Variants in ZDHHC8 observed in about 807,000 individuals in gnomAD.
The protein encoded by ZDHHC8 is zDHHC palmitoyltransferase 8.
In ZDHHC8, 24 loss-of-function variants were observed where a neutral mutation model predicts 61.2. That is an observed-to-expected ratio of 0.39 (90% CI 0.28 to 0.55). The LOEUF is 0.55. ZDHHC8 is among the 20% of genes least tolerant of loss of function. The pLI is 0.60. For missense variants in ZDHHC8, 935 were observed against 1,102.1 expected (o/e 0.85, Z 2.15); for synonymous variants, 523 against 492.5 (o/e 1.06, Z -0.82).
Position 20,140,982 on chromosome 22 carries a change from C to T in ZDHHC8, c.864C>T (p.Asn288=), listed in dbSNP as rs372080142. 8.9e-5 allele frequency: 143 copies of T among 1,611,086 alleles called. No homozygotes were observed. The highest frequency in any genetic ancestry group is 1.1e-4 in the Non-Finnish European group (135 of 1,179,988). The part of the protein sequence containing the change: ...AAPLKVKLSD[N]GLKAGLGRSK... ...CGCTCAAGGTCAAGCTTAGTGACAA[C>T]GGGCTGAAGGCTGGCCTGGGCCGTA... Residue 288 remains asparagine (N), a synonymous_variant, in exon 7 of 11, where the codon AAC becomes AAT. Coordinates refer to ENST00000334554, the MANE Select transcript of ZDHHC8 (RefSeq NM_013373.4).
At chr22:20,145,148 GTCTTGCTGCC>G in intron 10 of ZDHHC8, 71 bp from the exon 11 acceptor site, 2 of 1,288,550 alleles carry the variant, frequency 1.6e-6, no homozygotes, top group Non-Finnish European at 2.1e-6. Flanking sequence ...CGTCGTCTCT[GTCTTGCTGCC>G]TCCTCCGTCC....
rs901718049 is a variant in ZDHHC8, at chr22:20,143,116, C to T, written c.1486C>T (p.His496Tyr). The T allele has an allele frequency of 6.2e-7, 1 of 1,612,318 alleles. No homozygotes were observed. The highest frequency in any genetic ancestry group is 1.1e-5 in the South Asian group (1 of 91,086). Reference protein sequence around the residue: ...GSPGGHACPAHPAVGVAGYHS... With the variant: ...GSPGGHACPAYPAVGVAGYHS... ...GCCTGGTGGCCACGCCTGCCCTGCC[C>T]ACCCAGCAGTTGGCGTGGCCGGATA... The change falls in exon 10 of 11, where the codon CAC (histidine) becomes TAC (tyrosine). Residue 496 changes from histidine (H) to tyrosine (Y), a missense_variant. This residue lies in a region of ZDHHC8 where 692 missense variants were observed against 731.4 expected (regional missense o/e 0.95). Transcript: ENST00000334554.
chr22:20,139,605 C>A lies in ZDHHC8; in HGVS notation c.354C>A (p.Ser118=), dbSNP rs1376757195. Residue 118 remains serine (S), a synonymous_variant, in exon 3 of 11, where the codon TCC becomes TCA. Transcript: ENST00000334554. The stretch of plus-strand genomic sequence containing the variant: ...ACTTCTACCGCCCGCCGCGCTGCTC[C>A]CACTGCAGCGTCTGTGACAACTGTG... ...TCHFYRPPRC[S]HCSVCDNCVE... The A allele has an allele frequency of 2.5e-6, 4 of 1,613,062 alleles. No individual in the cohort carries two copies. Among genetic ancestry groups the A allele is most frequent in the Non-Finnish European group, 3.4e-6 (4 of 1,180,024 alleles).
rs760694262 is a variant in ZDHHC8 at position 20,143,522 on chromosome 22, T to C, written c.1892T>C (p.Leu631Pro). 6.3e-7 allele frequency: 1 copy of C among 1,599,890 alleles called. No homozygotes were observed. The highest frequency in any genetic ancestry group is 1.7e-5 in the Admixed American group (1 of 59,740). The change falls in exon 10 of 11, where the codon CTG (leucine) becomes CCG (proline). Residue 631 changes from leucine (L) to proline (P), a missense_variant. Coordinates refer to ENST00000334554, the MANE Select transcript of ZDHHC8 (RefSeq NM_013373.4). ...NPALQTSLSS[L>P]SSSVSRAPRT... Reference sequence around the variant, plus strand: ...GCCCTGCAGACGTCACTGTCCTCGCTGTCCAGCTCCGTGAGCCGTGCACCG... The same window carrying C: ...GCCCTGCAGACGTCACTGTCCTCGCCGTCCAGCTCCGTGAGCCGTGCACCG...
In ZDHHC8 at chr22:20,143,312, G is replaced by A. The variant is rs756941738; in HGVS notation, c.1682G>A (p.Arg561His). 5.9e-5 allele frequency: 95 copies of A among 1,597,856 alleles called. 1 individual carries two copies. The Middle Eastern group carries it at 1.9e-3, about 31-fold the overall frequency. The part of the protein sequence containing the change: ...SIQERKDREE[R>H]ERLLRSQADS... ...CAGGAGCGCAAGGACAGGGAGGAGC[G>A]TGAGCGCCTGCTGCGCTCCCAGGCC... Residue 561 changes from arginine (R) to histidine (H), a missense_variant, in exon 10 of 11, where the codon CGT becomes CAT. Arg to His is a conservative substitution (Grantham distance 29, BLOSUM62 0). Around this residue, in one of 3 missense-constraint regions of ZDHHC8, gnomAD observed 692 missense variants for 731.4 expected, o/e 0.95. Coordinates refer to ENST00000334554, the MANE Select transcript of ZDHHC8 (RefSeq NM_013373.4).
rs1044663964 is a variant in ZDHHC8 at position 20,146,053 on chromosome 22, G to C, written c.*653G>C. The stretch of plus-strand genomic sequence containing the variant: ...CCGTGTCTGTGTGCTGTGCTGCCGC[G>C]CCGTGTCTGATGTGTCAGTGCTCCG... On this transcript the variant is annotated 3_prime_UTR_variant, in exon 11 of 11. Coordinates refer to ENST00000334554, the MANE Select transcript of ZDHHC8 (RefSeq NM_013373.4). 4 of 985,764 alleles carry C rather than the reference G, an allele frequency of 4.1e-6. No homozygotes were observed. In the African/African-American group the frequency reaches 5.2e-5, roughly 13 times the overall value. The allele number at this position is 985,764 out of a possible 1,614,324, so 61.1% of individuals were successfully genotyped here. A position where few individuals can be genotyped will look rare whatever the true frequency, so the allele number is the denominator to read the frequency against.
intron 5 of ZDHHC8, 45 bp downstream of exon 5, chr22:20,140,262 G>C (rs2050456603): frequency 1.9e-6 from 3 of 1,572,850 alleles, no homozygotes; most frequent in Non-Finnish European, 2.6e-6. Context: ...GGCCGAGAGA[G>C]TTGGGGCTGC....
At chr22:20,135,660 G>C (rs887018445) in intron 1 of ZDHHC8, among the ~76,000 whole-genome samples, 5 of 152,232 alleles carry the variant, frequency 3.3e-5, no homozygotes, top group African/African-American at 1.2e-4. Context: ...GGGGAACCTG[G>C]GAGTGAAAAC....
Position 20,146,600 on chromosome 22 carries a change from T to G in ZDHHC8, c.*1200T>G. On this transcript the variant is annotated 3_prime_UTR_variant, in exon 11 of 11. Coordinates refer to ENST00000334554, the MANE Select transcript of ZDHHC8 (RefSeq NM_013373.4). ...GTTCCTCAGGGGCATTTCTGCCGAC[T>G]TGGGCTGAGTCAGAGGCTTGGGAAG... is the stretch of plus-strand genomic sequence containing the variant. The G allele has an allele frequency of 1.0e-6, 1 of 998,010 alleles. No individual in the cohort carries two copies. Among genetic ancestry groups the G allele is most frequent in the South Asian group, 4.7e-5 (1 of 21,422 alleles). 61.8% of individuals were successfully genotyped at this position (998,010 alleles called of 1,614,324 possible).
At chr22:20,139,668 C>T (rs2050450690) in intron 3 of ZDHHC8, 33 bp downstream of exon 3, 1 of 1,611,250 alleles carries the variant, frequency 6.2e-7, no homozygotes. Flanking sequence ...CTCCCCCAGC[C>T]CTGTGCCACA....
intron 2 of ZDHHC8, 25 bp downstream of exon 2, chr22:20,139,340 C>T (rs1568992535): frequency 1.9e-6 from 3 of 1,610,702 alleles, no homozygotes; most frequent in East Asian, 2.2e-5. Flanking sequence ...TGCGGCAGCT[C>T]CTCTCACTTT....
Position 20,142,998 on chromosome 22 carries a change from G to C in ZDHHC8, c.1368G>C (p.Gly456=), listed in dbSNP as rs1438480544. The part of the protein sequence containing the change: ...VALQPLRSEG[G]PPTPHRSIFA... ...TGCAGCCCCTGCGCTCTGAGGGGGGGCCCCCCACGCCCCACCGTAGCATTT... is the reference window on the plus strand; with the variant it reads ...TGCAGCCCCTGCGCTCTGAGGGGGGCCCCCCCACGCCCCACCGTAGCATTT... The change falls in exon 10 of 11, where the codon GGG becomes GGC. Residue 456 remains glycine (G), a synonymous_variant. Transcript: ENST00000334554. The C allele has an allele frequency of 3.1e-6, 5 of 1,605,478 alleles. No homozygotes were observed. The highest frequency in any genetic ancestry group is 1.7e-5 in the Admixed American group (1 of 59,656).
rs1316552200 is a variant in ZDHHC8, at chr22:20,147,483, G to A, written c.*2083G>A. ...GTCCCAGAGCTGTGGGGACCGGCAC[G>A]ACCTTTGCCCAGCCTCCCTACCCAA... On this transcript the variant is annotated 3_prime_UTR_variant, in exon 11 of 11. Coordinates refer to ENST00000334554, the MANE Select transcript of ZDHHC8 (RefSeq NM_013373.4). 2.9e-5 allele frequency: 9 copies of A among 314,928 alleles called. No homozygotes were observed. The highest frequency in any genetic ancestry group is 4.6e-5 in the Non-Finnish European group (8 of 175,290). The allele number at this position is 314,928 out of a possible 1,614,324, so 19.5% of individuals were successfully genotyped here. A position where few individuals can be genotyped will look rare whatever the true frequency, so the allele number is the denominator to read the frequency against.
At chr22:20,133,068 G>A (rs529661324) in intron 1 of ZDHHC8, among the ~76,000 whole-genome samples, 1 of 152,350 alleles carries the variant, frequency 6.6e-6, no homozygotes, top group East Asian at 1.9e-4. Flanking sequence ...AGTTTGGGGG[G>A]CCCCCACGTG....
At chr22:20,136,514 G>A (rs925879274) in intron 1 of ZDHHC8, among the ~76,000 whole-genome samples, 17 of 152,198 alleles carry the variant, frequency 1.1e-4, no homozygotes, top group East Asian at 1.9e-4. Flanking sequence ...TGGGAGGGCC[G>A]TGTCTGAGGC....
chr22:20,137,811 C>A (rs983844052), intron 1 of ZDHHC8, among the ~76,000 whole-genome samples: 14 of 152,168 alleles, frequency 9.2e-5, no homozygotes, highest in Non-Finnish European at 2.1e-4. Context: ...GTGTGCCAGG[C>A]AGGGCTGGGG....
At chr22:20,132,115 A>C in intron 1 of ZDHHC8, 64 bp downstream of exon 1, 1 of 1,033,400 alleles carries the variant, frequency 9.7e-7, no homozygotes, top group Non-Finnish European at 1.2e-6. Flanking sequence ...CAGCCCGGGC[A>C]CGGGGGCAGC....
At position 20,141,540 on chromosome 22, in the gene ZDHHC8, C is replaced by G. The variant is rs1272867720; in HGVS notation, c.1125+10C>G. ...TGGACCAGGCGAGCAGGTAAGGAGG[C>G]CTAGCCTGCCCCCTGGCAGGCCTCG... On this transcript the variant is annotated intron_variant, in intron 9 of 10. Transcript: ENST00000334554. The G allele has an allele frequency of 1.2e-6, 2 of 1,602,154 alleles. No homozygotes were observed. The highest frequency in any genetic ancestry group is 1.3e-5 in the African/African-American group (1 of 74,720).
In ZDHHC8 at chr22:20,146,322, G is replaced by A. The variant is rs2050523088; in HGVS notation, c.*922G>A. 10 of 985,558 alleles carry A rather than the reference G, an allele frequency of 1.0e-5. No homozygotes were observed. The highest frequency in any genetic ancestry group is 1.2e-5 in the Non-Finnish European group (10 of 829,948). The allele number at this position is 985,558 out of a possible 1,614,324, so 61.1% of individuals were successfully genotyped here. On this transcript the variant is annotated 3_prime_UTR_variant, in exon 11 of 11. Coordinates refer to ENST00000334554, the MANE Select transcript of ZDHHC8 (RefSeq NM_013373.4). ...CGCCGTGGGAAAGCACACTGGGGAG[G>A]GGTCAGTGCTTCCCTTGGTGTCAGG...
Sources: gnomAD v4.1 joint callset for allele counts (sites outside exome capture counted in the v4.1 genomes callset) on GRCh38, gnomAD v4.1.1 for gene constraint, gnomAD v4.1.1 regional missense constraint, MANE v1.5 for transcripts, NCBI Gene and HGNC (gene_info 2026-07-23, HGNC 2026-07-21) for gene names.